Variants in STK3 observed in about 807,000 individuals in gnomAD.
STK3 encodes the protein serine/threonine-protein kinase 3.
In STK3, 41 loss-of-function variants were observed where a neutral mutation model predicts 58.0. That is an observed-to-expected ratio of 0.71 (90% CI 0.55 to 0.92). The LOEUF is 0.92. Among genes scored for constraint, STK3 ranks in the 40% least tolerant of loss-of-function variants. The probability of loss-of-function intolerance (pLI) is 0.00; values close to 1 mark genes in which losing one functional copy is unlikely to be tolerated. For missense variants in STK3, 479 were observed against 602.7 expected, an observed-to-expected ratio of 0.79 and a Z score of 2.15; for synonymous variants, 170 against 191.0, an observed-to-expected ratio of 0.89 and a Z score of 0.91.
intron 6 of STK3, chr8:98,651,676 G>A (rs952145389): frequency 5.3e-5 from 8 of 152,206 alleles, no homozygotes; most frequent in Non-Finnish European, 8.8e-5. Flanking sequence ...GCCAAGGCTC[G>A]AGAACTACGT....
intron 4 of STK3, among the ~76,000 whole-genome samples, chr8:98,743,288 G>A (rs1329790791): frequency 1.4e-5 from 2 of 147,898 alleles, no homozygotes; most frequent in East Asian, 2.0e-4. Context: ...TCAATCCTAA[G>A]CCAAAAGAAC....
In STK3 at chr8:98,597,955, A is replaced by T. The variant is rs181155035; in HGVS notation, c.685-1786T>A. ...GCAGAACCTAATAAGGCTTTAAAAA[A>T]TGAGTAAAATGGGGTTAAAAGCAGC... On this transcript the variant is annotated intron_variant, in intron 6 of 10. Transcript: ENST00000419617. The T allele has an allele frequency of 2.8e-5, 28 of 985,394 alleles. No individual in the cohort carries two copies. The African/African-American group carries it at 3.7e-4, about 13-fold the overall frequency. 61.0% of individuals were successfully genotyped at this position (985,394 alleles called of 1,614,324 possible).
chr8:98,464,273 T>C (rs1294631763), intron 10 of STK3, among the ~76,000 whole-genome samples: 2 of 152,202 alleles, frequency 1.3e-5, no homozygotes, highest in Non-Finnish European at 2.9e-5. Flanking sequence ...TTTGAGTTTC[T>C]TGTGGCCTGG....
At chr8:98,433,422 A>G (rs1024699007) in intron 3 of STK3, among the ~76,000 whole-genome samples, 1 of 152,130 alleles carries the variant, frequency 6.6e-6, no homozygotes, top group Non-Finnish European at 1.5e-5. Context: ...ACTTCTTGGC[A>G]TTACTTAAAA....
intron 3 of STK3, among the ~76,000 whole-genome samples, chr8:98,878,306 G>GC (rs1837638562): frequency 6.6e-6 from 1 of 152,168 alleles, no homozygotes; most frequent in East Asian, 1.9e-4. Context: ...ACCCGCCTCT[G>GC]CCTCCTGTCA....
chr8:98,484,249 T>C (rs933435404), intron 10 of STK3, among the ~76,000 whole-genome samples: 6 of 152,020 alleles, frequency 3.9e-5, no homozygotes, highest in Admixed American at 6.6e-5. Context: ...TCAGGGGAAA[T>C]ACTAACCTTT....
At chr8:98,365,779 A>G in the STK3 span, among the ~76,000 whole-genome samples, 5 of 152,198 alleles carry the variant, frequency 3.3e-5, no homozygotes, top group Non-Finnish European at 5.9e-5. Flanking sequence ...AAAATGTATC[A>G]TCCTATACAT....
At chr8:98,633,606 T>C (rs1351609480) in intron 6 of STK3, 2 of 744,592 alleles carry the variant, frequency 2.7e-6, no homozygotes, top group African/African-American at 1.7e-5. Flanking sequence ...CTCAGTCCAT[T>C]TGCGGAGGAA....
intron 1 of STK3, among the ~76,000 whole-genome samples, chr8:98,380,052 T>C (rs775270470): frequency 1.3e-5 from 2 of 152,198 alleles, no homozygotes; most frequent in African/African-American, 4.8e-5. Context: ...AATCAAAGAA[T>C]GACAAATACT....
At chr8:98,444,417 T>TG (rs1818845160) in intron 1 of STK3, among the ~76,000 whole-genome samples, 2 of 152,240 alleles carry the variant, frequency 1.3e-5, no homozygotes, top group South Asian at 4.2e-4. Context: ...TGCTGGCAGA[T>TG]GGAGCAGGGT....
the STK3 span, among the ~76,000 whole-genome samples, chr8:98,348,570 T>C: frequency 1.3e-5 from 2 of 152,156 alleles, no homozygotes; most frequent in African/African-American, 2.4e-5. Flanking sequence ...AAACTGAACA[T>C]TAAGAAAACA....
At chr8:98,459,991 C>T (rs1014225794) in intron 10 of STK3, among the ~76,000 whole-genome samples, 36 of 152,192 alleles carry the variant, frequency 2.4e-4, no homozygotes, top group African/African-American at 8.0e-4. Flanking sequence ...GGGGTGCTCC[C>T]TAGTGGAGCT....
intron 6 of STK3, among the ~76,000 whole-genome samples, chr8:98,614,258 A>T (rs1817459557): frequency 6.6e-6 from 1 of 152,208 alleles, no homozygotes; most frequent in Non-Finnish European, 1.5e-5. Flanking sequence ...CCATATACCA[A>T]GAGAGAACAT....
At chr8:98,901,117 T>C (rs16897121) in intron 1 of STK3, among the ~76,000 whole-genome samples, 4,689 of 152,320 alleles carry the variant, frequency 0.031, 103 homozygotes, top group South Asian at 0.067. Context: ...TGGATGAGTT[T>C]GGGCCCTGTG....
chr8:98,443,480 C>A (rs568191466), intron 1 of STK3, among the ~76,000 whole-genome samples: 6 of 152,256 alleles, frequency 3.9e-5, no homozygotes, highest in African/African-American at 1.4e-4. Flanking sequence ...TAGTGATGAG[C>A]AAGATAGACA....
chr8:98,407,289 TC>T (rs1019421473), intron 3 of STK3, among the ~76,000 whole-genome samples: 1 of 152,188 alleles, frequency 6.6e-6, no homozygotes, highest in African/African-American at 2.4e-5. Context: ...CATCCTGTGA[TC>T]CCCACCCTTC....
chr8:98,415,215 C>G (rs957059086), intron 3 of STK3, among the ~76,000 whole-genome samples: 1 of 152,194 alleles, frequency 6.6e-6, no homozygotes, highest in Non-Finnish European at 1.5e-5. Context: ...GACACCAGTC[C>G]TGCCAGAATC....
chr8:98,749,816 C>G (rs1829861197), intron 3 of STK3, among the ~76,000 whole-genome samples: 1 of 151,898 alleles, frequency 6.6e-6, no homozygotes, highest in Non-Finnish European at 1.5e-5. Context: ...TTTAAATTTT[C>G]TTTCATTCTG....
At chr8:98,939,101 C>T (rs762789594) in intron 1 of STK3, among the ~76,000 whole-genome samples, 1 of 152,012 alleles carries the variant, frequency 6.6e-6, no homozygotes, top group Admixed American at 6.6e-5. Flanking sequence ...CTTGAAGGTG[C>T]CTTTGGAAAG....
Sources: allele counts gnomAD v4.1 joint callset (sites outside exome capture counted in the v4.1 genomes callset), GRCh38; gene constraint gnomAD v4.1.1; transcripts MANE v1.5; gene names NCBI Gene and HGNC (gene_info 2026-07-23, HGNC 2026-07-21).